Variants in P3H2 observed in about 807,000 individuals in gnomAD.
P3H2 encodes prolyl 3-hydroxylase 2.
Under a neutral mutation model 87.0 loss-of-function variants are expected in P3H2, and 80 were observed. The observed-to-expected ratio is 0.92, with a 90% CI of 0.77 to 1.11. The LOEUF (loss-of-function observed/expected upper bound fraction) is 1.11, where lower values mean the gene tolerates loss of function less well. Among genes scored for constraint, P3H2 ranks in the 50% least tolerant of loss-of-function variants. The pLI, the probability that P3H2 is intolerant of heterozygous loss-of-function variation, is 0.00. For synonymous variants in P3H2, 367 were observed against 359.3 expected, an observed-to-expected ratio of 1.02 and a Z score of -0.24; for missense variants, 1,001 against 923.9, an observed-to-expected ratio of 1.08 and a Z score of -1.08.
At chr3:189,977,325 A>G (rs1723381913) in intron 8 of P3H2, among the ~76,000 whole-genome samples, 1 of 152,190 alleles carries the variant, frequency 6.6e-6, no homozygotes. Context: ...TAATGAAGCA[A>G]GCGGCTGTAC....
At chr3:190,070,779 G>A (rs1200441863) in intron 1 of P3H2, among the ~76,000 whole-genome samples, 1 of 152,040 alleles carries the variant, frequency 6.6e-6, no homozygotes, top group Non-Finnish European at 1.5e-5. Flanking sequence ...CCTCAAACTT[G>A]CCTTACATTC....
At chr3:189,965,711 C>A (rs1018811377) in intron 13 of P3H2, among the ~76,000 whole-genome samples, 1 of 152,090 alleles carries the variant, frequency 6.6e-6, no homozygotes, top group Admixed American at 6.5e-5. Flanking sequence ...TGAGGCCGGG[C>A]GTGGTGGCTC....
intron 1 of P3H2, among the ~76,000 whole-genome samples, chr3:189,999,491 C>CA (rs1347165473): frequency 6.6e-6 from 1 of 152,148 alleles, no homozygotes; most frequent in Non-Finnish European, 1.5e-5. Flanking sequence ...TCCACATAAA[C>CA]ATGTGCATGC....
intron 14 of P3H2, among the ~76,000 whole-genome samples, chr3:189,960,897 T>C (rs1414062249): frequency 1.3e-5 from 2 of 151,060 alleles, no homozygotes; most frequent in Admixed American, 1.3e-4. Context: ...CTGCCACATC[T>C]AAATAAAAAG....
At chr3:190,053,886 T>G (rs960120815) in intron 1 of P3H2, among the ~76,000 whole-genome samples, 2 of 152,186 alleles carry the variant, frequency 1.3e-5, no homozygotes, top group Admixed American at 6.5e-5. Context: ...GTTACTAAGA[T>G]TTCCCTGTTT....
rs142038842 is a variant in P3H2 at position 190,073,668 on chromosome 3, A to G, written c.480+46584T>C. On this transcript the variant is annotated intron_variant, in intron 1 of 14. Transcript: ENST00000319332. ...GCTGAGTGTAAATAGTAGGGCCAGA[A>G]TTTCTAAGGCTCAGTTACGGCAAAC... 3.3e-5 allele frequency among the ~76,000 whole-genome samples: 5 copies of G among 152,318 alleles called. No individual in the cohort carries two copies. The East Asian group carries it at 9.7e-4, about 29-fold the overall frequency.
chr3:190,090,134 T>C (rs1159969587), intron 1 of P3H2, among the ~76,000 whole-genome samples: 1 of 152,172 alleles, frequency 6.6e-6, no homozygotes, highest in Non-Finnish European at 1.5e-5. Flanking sequence ...CCTTTCCATT[T>C]CTCATTATGC....
intron 11 of P3H2, among the ~76,000 whole-genome samples, chr3:189,972,474 G>C (rs1723206386): frequency 6.6e-6 from 1 of 152,166 alleles, no homozygotes; most frequent in South Asian, 2.1e-4. Flanking sequence ...GGACCGAGAA[G>C]GTCCCGGTCT....
intron 10 of P3H2, 104 bp downstream of exon 10, chr3:189,973,805 T>A (rs1258694424): frequency 1.2e-6 from 1 of 857,660 alleles, no homozygotes; most frequent in East Asian, 2.4e-5. Flanking sequence ...ATTACAGGCG[T>A]GAGCCACTGT....
intron 1 of P3H2, among the ~76,000 whole-genome samples, chr3:190,041,594 C>T (rs111363216): frequency 5.1e-4 from 77 of 152,266 alleles, no homozygotes; most frequent in African/African-American, 1.6e-3. Flanking sequence ...TACTTTGCAA[C>T]CTGAAAGGCC....
At chr3:189,988,050 C>T (rs1723760875) in intron 4 of P3H2, among the ~76,000 whole-genome samples, 1 of 152,040 alleles carries the variant, frequency 6.6e-6, no homozygotes, top group Admixed American at 6.6e-5. Flanking sequence ...CAGTAATGTA[C>T]CATTTTATAT....
At chr3:190,075,928 C>T (rs542404332) in intron 1 of P3H2, among the ~76,000 whole-genome samples, 1 of 152,100 alleles carries the variant, frequency 6.6e-6, no homozygotes, top group Non-Finnish European at 1.5e-5. Flanking sequence ...ACAACTAACA[C>T]TTTTTTCTGC....
chr3:190,016,867 T>C (rs1339058132), intron 1 of P3H2, among the ~76,000 whole-genome samples: 1 of 152,168 alleles, frequency 6.6e-6, no homozygotes, highest in Non-Finnish European at 1.5e-5. Context: ...TTTGGGCAGC[T>C]TTGGCCATTC....
At chr3:189,986,715 A>C (rs954751353) in intron 6 of P3H2, 73 bp downstream of exon 6, 7 of 1,097,500 alleles carry the variant, frequency 6.4e-6, no homozygotes, top group African/African-American at 6.2e-5. Context: ...GCAAAAATGG[A>C]GGCAGGTAAT....
chr3:190,120,195 C>G (rs573106341), intron 1 of P3H2, 57 bp downstream of exon 1: 3 of 1,578,534 alleles, frequency 1.9e-6, no homozygotes, highest in African/African-American at 2.7e-5. Flanking sequence ...AGGGAGGGCT[C>G]AAGAGAGCGT....
rs1560334657 is a variant in P3H2 at position 189,957,864 on chromosome 3, A to C, written c.*48T>G. ...TGTACAAAAATAAAAAGGTTCTCAT[A>C]AGATTAACAATTTAAATAAATATTT... On this transcript the variant is annotated 3_prime_UTR_variant, in exon 15 of 15. Coordinates refer to ENST00000319332, the MANE Select transcript of P3H2 (RefSeq NM_018192.4). The C allele has an allele frequency of 7.6e-7, 1 of 1,319,834 alleles. No individual in the cohort carries two copies. The highest frequency in any genetic ancestry group is 1.5e-5 in the African/African-American group (1 of 68,842). 81.8% of individuals were successfully genotyped at this position (1,319,834 alleles called of 1,614,324 possible). A position where few individuals can be genotyped will look rare whatever the true frequency, so the allele number is the denominator to read the frequency against.
In P3H2 at chr3:190,120,837, G is replaced by A; in HGVS notation, c.-106C>T. 2 of 1,438,888 alleles carry A rather than the reference G, an allele frequency of 1.4e-6. No individual in the cohort carries two copies. The highest frequency in any genetic ancestry group is 1.8e-6 in the Non-Finnish European group (2 of 1,095,672). 89.1% of individuals were successfully genotyped at this position (1,438,888 alleles called of 1,614,324 possible). Reference sequence around the variant, plus strand: ...TCCCTCGGGGAAGCGCGCCGACTCCGCCGCGATCTGGCCGCTCCGCGAGCC... The same window carrying A: ...TCCCTCGGGGAAGCGCGCCGACTCCACCGCGATCTGGCCGCTCCGCGAGCC... On this transcript the variant is annotated 5_prime_UTR_variant, in exon 1 of 15. Transcript: ENST00000319332.
intron 14 of P3H2, among the ~76,000 whole-genome samples, chr3:189,961,069 T>G (rs190802379): frequency 6.6e-6 from 1 of 152,078 alleles, no homozygotes; most frequent in Non-Finnish European, 1.5e-5. Context: ...GCCTCCCCAG[T>G]AGCTGGGATT....
chr3:189,987,479 TAAAAAAAAAAA>T (rs551936985), intron 5 of P3H2, 37 bp downstream of exon 5: 16 of 1,410,020 alleles, frequency 1.1e-5, no homozygotes, highest in African/African-American at 1.6e-5. Context: ...AACTCTGTCT[TAAAAAAAAAAA>T]AAAAAAAAGA....
Sources: allele counts gnomAD v4.1 joint callset (sites outside exome capture counted in the v4.1 genomes callset), GRCh38; gene constraint gnomAD v4.1.1; transcripts MANE v1.5; gene names NCBI Gene and HGNC (gene_info 2026-07-23, HGNC 2026-07-21).